RGS17: variants seen among roughly 807,000 people sequenced by gnomAD.
The protein encoded by RGS17 is regulator of G protein signaling 17.
RGS17 carries 12 observed loss-of-function variants against 25.5 expected under a neutral mutation model. The observed-to-expected ratio is 0.47, with a 90% CI of 0.30 to 0.76. RGS17 has a LOEUF of 0.76. RGS17 is among the 30% of genes least tolerant of loss of function. RGS17 has a pLI of 0.07. For synonymous variants in RGS17, 71 were observed against 76.9 expected (o/e 0.92, Z 0.40); for missense variants, 196 against 242.2 (o/e 0.81, Z 1.27).
At chr6:153,117,023 T>C (rs1443674853) in intron 1 of RGS17, among the ~76,000 whole-genome samples, 3 of 152,080 alleles carry the variant, frequency 2.0e-5, no homozygotes, top group East Asian at 3.9e-4. Context: ...TGCATACCTA[T>C]GTAACAAACC....
chr6:153,014,622 A>C (rs992070002), intron 4 of RGS17, among the ~76,000 whole-genome samples: 1 of 151,806 alleles, frequency 6.6e-6, no homozygotes, highest in Non-Finnish European at 1.5e-5. Context: ...CACGGTGAAA[A>C]CCCGTCTCTA....
rs6905449 is a variant in RGS17, at chr6:153,023,979, G to A, written c.444+283C>T. 2.3e-3 allele frequency among the ~76,000 whole-genome samples: 352 copies of A among 152,228 alleles called. 2 individuals are homozygous for A. The highest frequency in any genetic ancestry group is 8.1e-3 in the African/African-American group (336 of 41,544). Reference sequence around the variant, plus strand: ...AAATACATTCTCTCTTTCCATTTTCGTTTGTCACAGCAAATTGTGTTTAAG... The same window carrying A: ...AAATACATTCTCTCTTTCCATTTTCATTTGTCACAGCAAATTGTGTTTAAG... On this transcript the variant is annotated intron_variant, in intron 4 of 4. Transcript: ENST00000206262.
chr6:153,069,540 C>T (rs1776755506), intron 1 of RGS17, among the ~76,000 whole-genome samples: 1 of 151,980 alleles, frequency 6.6e-6, no homozygotes, highest in Non-Finnish European at 1.5e-5. Context: ...ATAAGACCTA[C>T]CATTTGATAG....
chr6:153,022,744 T>C (rs1175590692), intron 4 of RGS17, among the ~76,000 whole-genome samples: 1 of 152,178 alleles, frequency 6.6e-6, no homozygotes, highest in African/African-American at 2.4e-5. Flanking sequence ...ATTATTATAC[T>C]GATAAAATAC....
At chr6:153,118,356 A>G (rs949610327) in intron 1 of RGS17, among the ~76,000 whole-genome samples, 1 of 152,222 alleles carries the variant, frequency 6.6e-6, no homozygotes, top group Non-Finnish European at 1.5e-5. Flanking sequence ...CTGCATCTTC[A>G]GCAGAACCAC....
rs372619297 is a variant in RGS17 at position 153,015,875 on chromosome 6, A to G, written c.445-4113T>C. ...TCTCCGTGTTAGCCAGGATGTTCTC[A>G]ATCTCCTGACCTCGTGATCTGCCTG... On this transcript the variant is annotated intron_variant, in intron 4 of 4. Transcript: ENST00000206262. Among the ~76,000 whole-genome samples, 66 of 152,036 alleles carry G rather than the reference A, an allele frequency of 4.3e-4. No homozygotes were observed. The South Asian group carries it at 0.012, about 28-fold the overall frequency.
intron 4 of RGS17, among the ~76,000 whole-genome samples, chr6:153,014,522 G>C (rs2129105541): frequency 6.6e-6 from 1 of 152,286 alleles, no homozygotes; most frequent in African/African-American, 2.4e-5. Context: ...TCAGAGGCCA[G>C]GCGCGGTGGC....
intron 1 of RGS17, among the ~76,000 whole-genome samples, chr6:153,054,092 T>TATATATATATATATATATATA (rs1393844507): frequency 2.4e-5 from 1 of 42,102 alleles, no homozygotes; most frequent in Non-Finnish European, 3.8e-5. Context: ...ACAATATTTT[T>TATATATATATATATATATATA]TATATATATA....
intron 1 of RGS17, among the ~76,000 whole-genome samples, chr6:153,095,287 T>C (rs1403531973): frequency 1.3e-5 from 2 of 152,152 alleles, no homozygotes; most frequent in African/African-American, 4.8e-5. Flanking sequence ...TATTAAAACA[T>C]TTAAGTGTTA....
chr6:153,121,063 G>GT (rs940954358), intron 1 of RGS17, among the ~76,000 whole-genome samples: 3,739 of 145,188 alleles, frequency 0.026, 150 homozygotes, highest in African/African-American at 0.086. Flanking sequence ...ACTTGTTCAT[G>GT]TTTTTTTTTT....
intron 1 of RGS17, among the ~76,000 whole-genome samples, chr6:153,056,526 AT>A (rs150373708): frequency 0.032 from 4,862 of 152,294 alleles, 377 homozygotes; most frequent in South Asian, 0.26. Flanking sequence ...CAAGCCAAGC[AT>A]TCTTGAGTAT....
rs1779077985 is a variant in RGS17, at chr6:153,006,529, G to A, written c.*5045C>T. 1 of 152,516 alleles carries A rather than the reference G, an allele frequency of 6.6e-6. No individual in the cohort carries two copies. Among genetic ancestry groups the A allele is most frequent in the Admixed American group, 6.5e-5 (1 of 15,276 alleles). 9.4% of individuals were successfully genotyped at this position (152,516 alleles called of 1,614,324 possible). On this transcript the variant is annotated 3_prime_UTR_variant, in exon 5 of 5. Coordinates refer to ENST00000206262, the MANE Select transcript of RGS17 (RefSeq NM_012419.5). ...AGTACTGATTTGGGATCACATTATT[G>A]AGAAAAGCAGTAACACTGATATAGT...
intron 1 of RGS17, among the ~76,000 whole-genome samples, chr6:153,077,538 G>A (rs778474150): frequency 2.0e-5 from 3 of 152,084 alleles, no homozygotes; most frequent in Non-Finnish European, 4.4e-5. Context: ...CCTTTTAAAT[G>A]GTATATCTTT....
At chr6:153,047,945 C>A (rs1285127711) in intron 1 of RGS17, among the ~76,000 whole-genome samples, 1 of 152,114 alleles carries the variant, frequency 6.6e-6, no homozygotes, top group African/African-American at 2.4e-5. Flanking sequence ...TTCTTGTTTC[C>A]TTTTCATCTT....
Position 153,011,343 on chromosome 6 carries a change from A to G in RGS17, c.*231T>C, listed in dbSNP as rs527948729. 4.1e-6 allele frequency: 2 copies of G among 490,446 alleles called. No individual in the cohort carries two copies. The highest frequency in any genetic ancestry group is 7.7e-5 in the Admixed American group (2 of 25,972). The allele number at this position is 490,446 out of a possible 1,614,324, so 30.4% of individuals were successfully genotyped here. On this transcript the variant is annotated 3_prime_UTR_variant, in exon 5 of 5. Coordinates refer to ENST00000206262, the MANE Select transcript of RGS17 (RefSeq NM_012419.5). ...ATACACTTTGCTTGCAAGTAGAATG[A>G]GTCTTGAATAAAACAAACAATTTGG...
rs1240258517 is a variant in RGS17 at position 153,130,719 on chromosome 6, C to A, written c.-26+405G>T. 2.0e-5 allele frequency among the ~76,000 whole-genome samples: 3 copies of A among 152,132 alleles called. No individual in the cohort carries two copies. The highest frequency in any genetic ancestry group is 7.2e-5 in the African/African-American group (3 of 41,448). The stretch of plus-strand genomic sequence containing the variant: ...ACAAAACCCGCAACACCTCGCGTCC[C>A]CGCGGGGTCTCCCGCGCCCCTGGCC... On this transcript the variant is annotated intron_variant, in intron 1 of 4. Coordinates refer to ENST00000206262, the MANE Select transcript of RGS17 (RefSeq NM_012419.5). The surrounding 1 kb of genome is among the most constrained non-coding windows in gnomAD (Gnocchi z 6.4).
chr6:153,089,841 T>C (rs939923186), intron 1 of RGS17, among the ~76,000 whole-genome samples: 22 of 152,192 alleles, frequency 1.4e-4, no homozygotes, highest in Admixed American at 7.9e-4. Context: ...GTAACTTTTA[T>C]AGCATGCTGG....
intron 1 of RGS17, among the ~76,000 whole-genome samples, chr6:153,096,246 T>C (rs1049915502): frequency 6.6e-6 from 1 of 152,118 alleles, no homozygotes; most frequent in East Asian, 1.9e-4. Context: ...TAGCCAAGAG[T>C]AGCAAGTGCT....
Position 153,086,088 on chromosome 6 carries a change from A to G in RGS17, c.-25-42045T>C, listed in dbSNP as rs549072340. 3.3e-5 allele frequency among the ~76,000 whole-genome samples: 5 copies of G among 152,294 alleles called. No individual in the cohort carries two copies. In the East Asian group the frequency reaches 9.6e-4, roughly 29 times the overall value. On this transcript the variant is annotated intron_variant, in intron 1 of 4. Coordinates refer to ENST00000206262, the MANE Select transcript of RGS17 (RefSeq NM_012419.5). Reference sequence around the variant, plus strand: ...AGCTATCCTGATTACTGCTAAAATAATTGTTTTAGAATTATTTTATAAATT... The same window carrying G: ...AGCTATCCTGATTACTGCTAAAATAGTTGTTTTAGAATTATTTTATAAATT...
Sources: gnomAD v4.1 joint callset for allele counts (sites outside exome capture counted in the v4.1 genomes callset) on GRCh38, gnomAD v4.1.1 for gene constraint, Gnocchi (gnomAD v3.1) non-coding constraint, MANE v1.5 for transcripts, NCBI Gene and HGNC (gene_info 2026-07-23, HGNC 2026-07-21) for gene names.